The following EYS variants were observed in gnomAD, a reference collection of about 807,000 sequenced individuals.
EYS encodes the protein EGF-like photoreceptor maintenance factor.
Under a neutral mutation model 282.1 loss-of-function variants are expected in EYS, and 250 were observed. The ratio of observed to expected loss-of-function variants is 0.89; its 90% CI spans 0.80 to 0.98. EYS has a LOEUF of 0.98. Ranked by LOEUF, EYS falls within the 50% of genes least tolerant of loss-of-function variation. EYS has a pLI of 0.00. For synonymous variants in EYS, 1,355 were observed against 1,282.9 expected, an observed-to-expected ratio of 1.06 and a Z score of -1.20; for missense variants, 4,016 against 3,709.0, an observed-to-expected ratio of 1.08 and a Z score of -2.15.
intron 26 of EYS, among the ~76,000 whole-genome samples, chr6:64,474,267 C>A (rs1776202319): frequency 6.6e-6 from 1 of 152,080 alleles, no homozygotes; most frequent in East Asian, 1.9e-4. Context: ...ACTTGTTCAA[C>A]TAAGGCTAGC....
chr6:64,206,073 C>G (rs1765601289), intron 31 of EYS, among the ~76,000 whole-genome samples: 1 of 152,060 alleles, frequency 6.6e-6, no homozygotes, highest in Non-Finnish European at 1.5e-5. Context: ...CCAAAATAAT[C>G]TACCTGGTAA....
chr6:65,330,401 G>T, intron 11 of EYS: 1 of 984,350 alleles, frequency 1.0e-6, no homozygotes, highest in Admixed American at 6.2e-5. Context: ...GTCTGGGCAT[G>T]GTATTAAGAA....
intron 2 of EYS, among the ~76,000 whole-genome samples, chr6:65,637,290 C>T (rs1355931184): frequency 1.3e-5 from 2 of 152,104 alleles, no homozygotes; most frequent in East Asian, 3.9e-4. Flanking sequence ...TGAGTTATTT[C>T]CTCCACAGAA....
At chr6:64,889,923 G>T (rs1292633046) in intron 18 of EYS, among the ~76,000 whole-genome samples, 1 of 151,978 alleles carries the variant, frequency 6.6e-6, no homozygotes, top group African/African-American at 2.4e-5. Flanking sequence ...TGAGCTGGGT[G>T]GAACGGAGCC....
intron 5 of EYS, among the ~76,000 whole-genome samples, chr6:65,408,379 G>A (rs550083516): frequency 1.3e-5 from 2 of 151,844 alleles, no homozygotes; most frequent in South Asian, 2.1e-4. Context: ...GCCAGTTATC[G>A]AGGATTGGTA....
chr6:65,284,906 C>G (rs1477266958), intron 12 of EYS, among the ~76,000 whole-genome samples: 3 of 151,900 alleles, frequency 2.0e-5, no homozygotes, highest in Non-Finnish European at 4.4e-5. Flanking sequence ...GTTCATGTAA[C>G]AAGAGGTATT....
At chr6:65,053,625 G>A (rs369556757) in intron 13 of EYS, among the ~76,000 whole-genome samples, 1 of 151,830 alleles carries the variant, frequency 6.6e-6, no homozygotes, top group Admixed American at 6.6e-5. Context: ...TACACCAGGG[G>A]CCAGCAAATG....
chr6:63,722,606 A>T (rs145710061), intron 42 of EYS, among the ~76,000 whole-genome samples: 69 of 152,364 alleles, frequency 4.5e-4, no homozygotes, highest in African/African-American at 1.6e-3. Context: ...AGAGGATAGC[A>T]AAATGACTTA....
At chr6:64,813,754 T>A (rs1291994754) in intron 21 of EYS, among the ~76,000 whole-genome samples, 177 bp from the exon 22 acceptor site, 1 of 152,052 alleles carries the variant, frequency 6.6e-6, no homozygotes, top group Non-Finnish European at 1.5e-5. Flanking sequence ...TTACCTTTTA[T>A]TACCAGAAAG....
At chr6:64,879,599 A>T (rs1460356125) in intron 19 of EYS, among the ~76,000 whole-genome samples, 2 of 152,102 alleles carry the variant, frequency 1.3e-5, no homozygotes, top group African/African-American at 4.8e-5. Context: ...GTTTTGGGGA[A>T]CTGAAATGAA....
intron 26 of EYS, among the ~76,000 whole-genome samples, chr6:64,456,296 G>T (rs1320512529): frequency 1.3e-5 from 2 of 151,992 alleles, no homozygotes; most frequent in African/African-American, 4.8e-5. Flanking sequence ...ACTTCAAGAA[G>T]ACTTAGTTTT....
chr6:64,237,982 C>T (rs1305968329), intron 30 of EYS, among the ~76,000 whole-genome samples: 1 of 152,068 alleles, frequency 6.6e-6, no homozygotes, highest in African/African-American at 2.4e-5. Context: ...AGTGTTACTC[C>T]TCTTTTTTGA....
intron 22 of EYS, among the ~76,000 whole-genome samples, chr6:64,702,097 A>T (rs1208983817): frequency 6.6e-6 from 1 of 151,916 alleles, no homozygotes; most frequent in African/African-American, 2.4e-5. Context: ...TCACCTACAT[A>T]TGAATAAAGT....
rs949622741 is a variant in EYS at position 64,414,172 on chromosome 6, G to C, written c.5927+22002C>G. 5.3e-5 allele frequency among the ~76,000 whole-genome samples: 8 copies of C among 152,236 alleles called. No homozygotes were observed. The East Asian group carries it at 1.4e-3, about 26-fold the overall frequency. ...GTGAAATTTCAGGAGACTAAAAATA[G>C]AGAAGAAACCTTAAAAGTTTCCTGA... On this transcript the variant is annotated intron_variant, in intron 28 of 42. Transcript: ENST00000503581.
chr6:65,141,695 G>T (rs1172332860), intron 12 of EYS, among the ~76,000 whole-genome samples: 2 of 149,432 alleles, frequency 1.3e-5, no homozygotes, highest in Admixed American at 1.3e-4. Flanking sequence ...ATCTAGAAAG[G>T]AATGAATACA....
chr6:64,868,553 G>A (rs72891207), intron 19 of EYS, among the ~76,000 whole-genome samples: 17 of 151,398 alleles, frequency 1.1e-4, no homozygotes, highest in Non-Finnish European at 2.4e-4. Flanking sequence ...AAAACATTTA[G>A]GTATTATTCT....
chr6:65,222,140 A>G (rs1766482892), intron 12 of EYS, among the ~76,000 whole-genome samples: 2 of 152,170 alleles, frequency 1.3e-5, no homozygotes, highest in Non-Finnish European at 2.9e-5. Flanking sequence ...TTTTGGGTTA[A>G]GGCTAAAATG....
intron 7 of EYS, among the ~76,000 whole-genome samples, chr6:65,391,786 C>T (rs1172732499): frequency 1.3e-5 from 2 of 151,602 alleles, no homozygotes; most frequent in Non-Finnish European, 2.9e-5. Flanking sequence ...CATCAAGCTA[C>T]CAATGACTTT....
intron 29 of EYS, among the ~76,000 whole-genome samples, chr6:64,372,244 T>C (rs573503980): frequency 1.3e-5 from 2 of 150,406 alleles, no homozygotes; most frequent in South Asian, 4.2e-4. Flanking sequence ...TGGTAAAAAA[T>C]TCTCTCAGCA....
Sources: gnomAD v4.1 joint callset for allele counts (sites outside exome capture counted in the v4.1 genomes callset) on GRCh38, gnomAD v4.1.1 for gene constraint, MANE v1.5 for transcripts, NCBI Gene and HGNC (gene_info 2026-07-23, HGNC 2026-07-21) for gene names.